The following GRHL2 variants were observed in gnomAD, a reference collection of about 807,000 sequenced individuals.
GRHL2 encodes the protein grainyhead like transcription factor 2.
A neutral mutation model predicts 83.8 loss-of-function variants in GRHL2; 21 were observed. That is an observed-to-expected ratio of 0.25 (90% CI 0.18 to 0.36). GRHL2 has a LOEUF of 0.36. Ranked by LOEUF, GRHL2 falls within the 10% of genes least tolerant of loss-of-function variation. The pLI is 1.00. For missense variants in GRHL2, 623 were observed against 781.8 expected (o/e 0.80, Z 2.42); for synonymous variants, 280 against 278.9 (o/e 1.00, Z -0.04).
intron 8 of GRHL2, among the ~76,000 whole-genome samples, chr8:101,603,335 T>TAAAAA (rs1360771031): frequency 6.6e-6 from 1 of 152,142 alleles, no homozygotes; most frequent in Non-Finnish European, 1.5e-5. Flanking sequence ...TGCATTTATT[T>TAAAAA]AAAAAACAAA....
the GRHL2 span, among the ~76,000 whole-genome samples, chr8:101,675,791 G>A: frequency 2.6e-5 from 4 of 152,044 alleles, no homozygotes; most frequent in Non-Finnish European, 4.4e-5. Flanking sequence ...GAGGCATCAC[G>A]CTACCTGACT....
chr8:101,556,220 G>A (rs1040722373), intron 3 of GRHL2, among the ~76,000 whole-genome samples: 1 of 152,122 alleles, frequency 6.6e-6, no homozygotes, highest in African/African-American at 2.4e-5. Context: ...GCCTCCCAAA[G>A]TGCTGGGATT....
intron 4 of GRHL2, among the ~76,000 whole-genome samples, chr8:101,562,996 A>C (rs1301034038): frequency 6.6e-6 from 1 of 152,238 alleles, no homozygotes; most frequent in Non-Finnish European, 1.5e-5. Flanking sequence ...TTTCATCTTT[A>C]AGTAATAATA....
rs1448280016 is a variant in GRHL2, at chr8:101,592,110, T to TC, written c.1004-6947_1004-6946insC. 2.5e-4 allele frequency among the ~76,000 whole-genome samples: 34 copies of TC among 136,986 alleles called. No homozygotes were observed. In the South Asian group the frequency reaches 3.0e-3, roughly 12 times the overall value. 89.9% of individuals were successfully genotyped at this position (136,986 alleles called of 152,430 possible). A position where few individuals can be genotyped will look rare whatever the true frequency, so the allele number is the denominator to read the frequency against. ...TTCTTTCTTTCTTTTCTTTTTTTTT[T>TC]TTTTTTTTTTTTGAGACAGAGTCTT... On this transcript the variant is annotated intron_variant, in intron 7 of 15. Coordinates refer to ENST00000646743, the MANE Select transcript of GRHL2 (RefSeq NM_024915.4).
chr8:101,502,407 G>A (rs541009500), intron 1 of GRHL2, among the ~76,000 whole-genome samples: 12 of 152,116 alleles, frequency 7.9e-5, no homozygotes, highest in African/African-American at 2.7e-4. Flanking sequence ...CAAAATCAAC[G>A]GTGGTCTGAT....
At chr8:101,622,558 A>G (rs1048892666) in intron 9 of GRHL2, among the ~76,000 whole-genome samples, 2 of 152,188 alleles carry the variant, frequency 1.3e-5, no homozygotes, top group Admixed American at 6.5e-5. Flanking sequence ...TATATGAGAA[A>G]TAAGTTGACT....
At chr8:101,500,595 G>T (rs1053020259) in intron 1 of GRHL2, among the ~76,000 whole-genome samples, 1 of 152,054 alleles carries the variant, frequency 6.6e-6, no homozygotes. Context: ...TGCAACCTCC[G>T]CCTCCTAGGT....
intron 4 of GRHL2, among the ~76,000 whole-genome samples, chr8:101,565,308 T>C (rs1483693366): frequency 6.6e-6 from 1 of 152,216 alleles, no homozygotes; most frequent in Admixed American, 6.5e-5. Flanking sequence ...TCAAAAATCA[T>C]ATAGATATAT....
At chr8:101,548,115 G>T (rs964708875) in intron 2 of GRHL2, among the ~76,000 whole-genome samples, 3 of 152,180 alleles carry the variant, frequency 2.0e-5, no homozygotes, top group Non-Finnish European at 1.5e-5. Flanking sequence ...AAACCAATTT[G>T]TTGGTTGATT....
intron 7 of GRHL2, among the ~76,000 whole-genome samples, chr8:101,586,116 A>T (rs1333623080): frequency 2.5e-5 from 3 of 121,518 alleles, no homozygotes; most frequent in Non-Finnish European, 4.9e-5. Flanking sequence ...TCTGTCGCCC[A>T]GGTGGGACTG....
chr8:101,607,469 T>C (rs181814501), intron 8 of GRHL2, among the ~76,000 whole-genome samples: 3 of 152,312 alleles, frequency 2.0e-5, no homozygotes, highest in Admixed American at 6.5e-5. Flanking sequence ...CTCTTTCTGC[T>C]TACAAGACAG....
At chr8:101,677,166 A>C in the GRHL2 span, among the ~76,000 whole-genome samples, 2 of 151,894 alleles carry the variant, frequency 1.3e-5, no homozygotes, top group Non-Finnish European at 2.9e-5. Flanking sequence ...TACATATGTA[A>C]CAAACTTGCA....
chr8:101,540,304 G>GCCA, intron 1 of GRHL2, among the ~76,000 whole-genome samples: 1 of 152,282 alleles, frequency 6.6e-6, no homozygotes, highest in South Asian at 2.1e-4. Context: ...ACATTACCCA[G>GCCA]CTTCTCACCA....
intron 1 of GRHL2, among the ~76,000 whole-genome samples, chr8:101,521,859 C>T (rs557783213): frequency 2.0e-5 from 3 of 152,236 alleles, no homozygotes; most frequent in East Asian, 3.9e-4. Context: ...CTAATCAGTT[C>T]GTAGATGAAA....
At chr8:101,549,937 A>G (rs1004130614) in intron 2 of GRHL2, among the ~76,000 whole-genome samples, 3 of 151,768 alleles carry the variant, frequency 2.0e-5, no homozygotes, top group East Asian at 1.9e-4. Flanking sequence ...AGGAATAACT[A>G]TATTTTAGGA....
At chr8:101,529,046 C>T in intron 1 of GRHL2, 1 of 384,050 alleles carries the variant, frequency 2.6e-6, no homozygotes, top group Non-Finnish European at 5.1e-6. Context: ...TTCTCTGCTT[C>T]CACGTCAACA....
chr8:101,492,934 C>T (rs1040518846), intron 1 of GRHL2, 145 bp downstream of exon 1: 4 of 767,726 alleles, frequency 5.2e-6, no homozygotes, highest in African/African-American at 1.7e-5. Context: ...CCAGACTTTT[C>T]CGCATTATGT....
At chr8:101,608,730 C>CTT (rs1491145921) in intron 8 of GRHL2, among the ~76,000 whole-genome samples, 1 of 52,354 alleles carries the variant, frequency 1.9e-5, no homozygotes, top group Non-Finnish European at 3.2e-5. Flanking sequence ...TCTCTGCTCA[C>CTT]TCTCTCACAC....
At chr8:101,557,193 A>G (rs1460383558) in intron 3 of GRHL2, among the ~76,000 whole-genome samples, 1 of 149,826 alleles carries the variant, frequency 6.7e-6, no homozygotes, top group African/African-American at 2.5e-5. Flanking sequence ...TAAGCTCAAA[A>G]TCATTATCAC....
Sources: allele counts gnomAD v4.1 joint callset (sites outside exome capture counted in the v4.1 genomes callset), GRCh38; gene constraint gnomAD v4.1.1; transcripts MANE v1.5; gene names NCBI Gene and HGNC (gene_info 2026-07-23, HGNC 2026-07-21).